ACAD10: variants seen among roughly 807,000 people sequenced by gnomAD.
The protein encoded by ACAD10 is acyl-CoA dehydrogenase family member 10.
A neutral mutation model predicts 116.8 loss-of-function variants in ACAD10; 112 were observed. The observed-to-expected ratio is 0.96, with a 90% CI of 0.82 to 1.12. The LOEUF (loss-of-function observed/expected upper bound fraction) is 1.12, where lower values mean the gene tolerates loss of function less well. Among genes scored for constraint, ACAD10 ranks in the 50% most tolerant of loss-of-function variants. The pLI, the probability that ACAD10 is intolerant of heterozygous loss-of-function variation, is 0.00. For synonymous variants in ACAD10, 486 were observed against 510.6 expected, an observed-to-expected ratio of 0.95 and a Z score of 0.65; for missense variants, 1,259 against 1,350.2, an observed-to-expected ratio of 0.93 and a Z score of 1.06.
intron 16 of ACAD10, chr12:111,747,757 C>T (rs1238173701): frequency 7.5e-6 from 8 of 1,059,836 alleles, no homozygotes; most frequent in South Asian, 6.7e-5. Context: ...AATGACAATC[C>T]TGACTTTTAG....
rs1890009624 is a variant in ACAD10 at position 111,749,464 on chromosome 12, T to C, written c.2817+119T>C. ...TCCTAGCAGGTGAAGCAAGGTGATG[T>C]CCTTGCCAAGAAGTTGCATTCCTGT... On this transcript the variant is annotated intron_variant, in intron 18 of 20. Transcript: ENST00000313698. 4 of 1,329,448 alleles carry C rather than the reference T, an allele frequency of 3.0e-6. No individual in the cohort carries two copies. In the South Asian group the frequency reaches 5.9e-5, roughly 19 times the overall value. The allele number at this position is 1,329,448 out of a possible 1,614,324, so 82.4% of individuals were successfully genotyped here. A position where few individuals can be genotyped will look rare whatever the true frequency, so the allele number is the denominator to read the frequency against.
chr12:111,744,570 G>A (rs1185625342), intron 12 of ACAD10, 73 bp from the exon 13 acceptor site: 11 of 1,530,220 alleles, frequency 7.2e-6, no homozygotes, highest in Non-Finnish European at 9.7e-6. Flanking sequence ...TGAAGTGACA[G>A]TGTCATCACA....
chr12:111,753,580 G>A (rs1439353755), intron 18 of ACAD10, 192 bp from the exon 19 acceptor site: 3 of 767,886 alleles, frequency 3.9e-6, no homozygotes, highest in Admixed American at 4.0e-5. Context: ...TTGTGTGTCA[G>A]ACCTACTCCC....
rs190778189 is a variant in ACAD10 at position 111,692,507 on chromosome 12, G to A, written c.-13-190G>A. Among the ~76,000 whole-genome samples the A allele has an allele frequency of 2.2e-4, 34 of 152,330 alleles. No homozygotes were observed. The East Asian group carries it at 5.4e-3, about 24-fold the overall frequency. ...TCCCAGCTTTCTAGCTTGGGCAGCC[G>A]AGTGGGCGATGGAGCCCTTGACTAA... On this transcript the variant is annotated intron_variant, in intron 1 of 20. Coordinates refer to ENST00000313698, the MANE Select transcript of ACAD10 (RefSeq NM_025247.6).
chr12:111,749,009 A>T (rs759868381), intron 17 of ACAD10, 164 bp from the exon 18 acceptor site: 18 of 1,612,100 alleles, frequency 1.1e-5, no homozygotes, highest in Non-Finnish European at 1.4e-5. Context: ...TGTGTTTAAC[A>T]GGCTGTTTCC....
At chr12:111,755,534 C>A in intron 19 of ACAD10, 134 bp from the exon 20 acceptor site, 1 of 676,632 alleles carries the variant, frequency 1.5e-6, no homozygotes, top group South Asian at 1.7e-5. Context: ...TCCTGAGTAG[C>A]TGGGACTACA....
At chr12:111,748,114 G>A (rs1889968166) in intron 16 of ACAD10, among the ~76,000 whole-genome samples, 1 of 152,186 alleles carries the variant, frequency 6.6e-6, no homozygotes, top group Non-Finnish European at 1.5e-5. Flanking sequence ...CTCTTATGAT[G>A]TTGGATTCAT....
intron 2 of ACAD10, among the ~76,000 whole-genome samples, chr12:111,698,510 T>C (rs534196666): frequency 6.6e-6 from 1 of 151,488 alleles, no homozygotes; most frequent in Admixed American, 6.6e-5. Flanking sequence ...AGACTTTTGC[T>C]CTTGTTGCCC....
At chr12:111,731,887 A>G (rs1010644741) in intron 10 of ACAD10, among the ~76,000 whole-genome samples, 7 of 152,204 alleles carry the variant, frequency 4.6e-5, no homozygotes, top group Non-Finnish European at 1.0e-4. Context: ...GTTCGAGACC[A>G]GCCTGGCCAA....
Position 111,744,774 on chromosome 12 carries a change from A to T in ACAD10, c.1846A>T (p.Arg616Trp). ...GATGCCCTTCACAAATCCGTTAACA[A>T]GGTCCTACCACACGTGGGCCAGGCC... Reference protein sequence around the residue: ...KEMPFTNPLTRSYHTWARPQS... With the variant: ...KEMPFTNPLTWSYHTWARPQS... The change falls in exon 13 of 21, where the codon AGG (arginine) becomes TGG (tryptophan). Residue 616 changes from arginine to tryptophan, a missense_variant. By Grantham distance (101) the Arg-to-Trp change is moderately radical. Coordinates refer to ENST00000313698, the MANE Select transcript of ACAD10 (RefSeq NM_025247.6). The T allele has an allele frequency of 6.2e-7, 1 of 1,614,234 alleles. No individual in the cohort carries two copies. Among genetic ancestry groups the T allele is most frequent in the Admixed American group, 1.7e-5 (1 of 60,024 alleles).
chr12:111,707,839 C>A (rs1001004150), intron 4 of ACAD10, among the ~76,000 whole-genome samples: 3 of 152,168 alleles, frequency 2.0e-5, no homozygotes, highest in African/African-American at 7.2e-5. Context: ...CATCACATGA[C>A]CTGGGAGTTT....
chr12:111,742,932 A>G (rs1486099876), intron 12 of ACAD10, among the ~76,000 whole-genome samples: 1 of 151,836 alleles, frequency 6.6e-6, no homozygotes, highest in Non-Finnish European at 1.5e-5. Flanking sequence ...CTGGTCTCGA[A>G]CTGACCTCCA....
In ACAD10 at chr12:111,756,892, C is replaced by T. The variant is rs1174994584; in HGVS notation, c.*419C>T. ...CAGCTGCAGGGTTCCTGTCTGGCCT[C>T]CCTGGTGAGCAGAGGGGCGGCCACG... On this transcript the variant is annotated 3_prime_UTR_variant, in exon 21 of 21. Coordinates refer to ENST00000313698, the MANE Select transcript of ACAD10 (RefSeq NM_025247.6). 2.2e-6 allele frequency: 1 copy of T among 459,638 alleles called. No homozygotes were observed. Among genetic ancestry groups the T allele is most frequent in the South Asian group, 1.5e-5 (1 of 64,594 alleles). 28.5% of individuals were successfully genotyped at this position (459,638 alleles called of 1,614,324 possible).
chr12:111,749,614 G>C (rs757208862), intron 18 of ACAD10: 7 of 487,584 alleles, frequency 1.4e-5, no homozygotes, highest in Non-Finnish European at 1.8e-5. Flanking sequence ...AAGGTGTAAA[G>C]GTCATGCTGC....
At position 111,756,750 on chromosome 12, in the gene ACAD10, C is replaced by G; in HGVS notation, c.*277C>G. On this transcript the variant is annotated 3_prime_UTR_variant, in exon 21 of 21. Coordinates refer to ENST00000313698, the MANE Select transcript of ACAD10 (RefSeq NM_025247.6). ...AAAGCTGGTCTTCAGGCTCTCAGTC[C>G]CAGGCTGGGCAGGCACGGTCACTTC... 1 of 604,494 alleles carries G rather than the reference C, an allele frequency of 1.7e-6. No homozygotes were observed. The highest frequency in any genetic ancestry group is 1.5e-5 in the South Asian group (1 of 65,966). 37.4% of individuals were successfully genotyped at this position (604,494 alleles called of 1,614,324 possible).
intron 7 of ACAD10, among the ~76,000 whole-genome samples, chr12:111,717,788 A>T (rs914645776): frequency 6.6e-6 from 1 of 152,012 alleles, no homozygotes; most frequent in Non-Finnish European, 1.5e-5. Flanking sequence ...GCCTCAAGCA[A>T]TCCTCCCACC....
At position 111,712,535 on chromosome 12, in the gene ACAD10, C is replaced by G; in HGVS notation, c.728C>G (p.Ala243Gly). Residue 243 changes from alanine to glycine, a missense_variant, in exon 6 of 21, where the codon GCT becomes GGT. Physicochemically the swap from Ala to Gly is moderately conservative, Grantham distance 60. Transcript: ENST00000313698. ...DPETAVKELE[A>G]LLGFTLRVGV... ...GAGACTGCAGTAAAGGAATTAGAAG[C>G]TCTCTTGGGTTTTACATTGAGAGTA... is the stretch of plus-strand genomic sequence containing the variant. 1 of 1,614,002 alleles carries G rather than the reference C, an allele frequency of 6.2e-7. No homozygotes were observed. Among genetic ancestry groups the G allele is most frequent in the Non-Finnish European group, 8.5e-7 (1 of 1,179,942 alleles).
chr12:111,746,118 T>G, intron 13 of ACAD10, 26 bp from the exon 14 acceptor site: 1 of 1,603,190 alleles, frequency 6.2e-7, no homozygotes, highest in Non-Finnish European at 8.5e-7. Context: ...CCACTGTGGT[T>G]TCCTGACTTA....
At chr12:111,716,031 G>A in intron 7 of ACAD10, 69 bp downstream of exon 7, 1 of 1,588,562 alleles carries the variant, frequency 6.3e-7, no homozygotes, top group Non-Finnish European at 8.6e-7. Context: ...GCCCTAAACT[G>A]AAAAGTCAGC....
Sources: gnomAD v4.1 joint callset for allele counts (sites outside exome capture counted in the v4.1 genomes callset) on GRCh38, gnomAD v4.1.1 for gene constraint, MANE v1.5 for transcripts, NCBI Gene and HGNC (gene_info 2026-07-23, HGNC 2026-07-21) for gene names.